ALKBH8: variants seen among roughly 807,000 people sequenced by gnomAD.
The protein encoded by ALKBH8 is tRNA (carboxymethyluridine(34)-5-O)-methyltransferase ALKBH8.
ALKBH8 carries 36 observed loss-of-function variants against 59.8 expected under a neutral mutation model. The ratio of observed to expected loss-of-function variants is 0.60; its 90% CI spans 0.46 to 0.79. ALKBH8 has a LOEUF of 0.79. Among genes scored for constraint, ALKBH8 ranks in the 30% least tolerant of loss-of-function variants. ALKBH8 has a pLI of 0.00. For missense variants in ALKBH8, 768 were observed against 801.0 expected, an observed-to-expected ratio of 0.96 and a Z score of 0.50; for synonymous variants, 276 against 273.6, an observed-to-expected ratio of 1.01 and a Z score of -0.09.
chr11:107,543,003 C>A (rs1020298208), intron 7 of ALKBH8, among the ~76,000 whole-genome samples: 1 of 152,090 alleles, frequency 6.6e-6, no homozygotes, highest in Admixed American at 6.6e-5. Context: ...AGATTTTGTT[C>A]CGTATGGGAG....
At chr11:107,549,046 T>C (rs932435405) in intron 7 of ALKBH8, among the ~76,000 whole-genome samples, 14 of 151,926 alleles carry the variant, frequency 9.2e-5, no homozygotes, top group African/African-American at 3.1e-4. Context: ...AGAGACGGGG[T>C]TTCACCGTGT....
At chr11:107,540,095 G>A (rs1863976804) in intron 7 of ALKBH8, among the ~76,000 whole-genome samples, 1 of 152,030 alleles carries the variant, frequency 6.6e-6, no homozygotes, top group Admixed American at 6.5e-5. Flanking sequence ...ATGAGAGGCA[G>A]AACATCGTTT....
intron 7 of ALKBH8, among the ~76,000 whole-genome samples, chr11:107,537,804 C>T (rs759266736): frequency 6.6e-6 from 1 of 151,514 alleles, no homozygotes; most frequent in Admixed American, 6.6e-5. Flanking sequence ...AATATGAAGA[C>T]AAATGGTAAA....
At chr11:107,564,624 C>G (rs902029514) in intron 1 of ALKBH8, among the ~76,000 whole-genome samples, 18 of 152,162 alleles carry the variant, frequency 1.2e-4, no homozygotes, top group African/African-American at 4.3e-4. Context: ...GCTATTTAAA[C>G]TGCATCATCT....
At chr11:107,553,521 T>C (rs748903364) in intron 4 of ALKBH8, among the ~76,000 whole-genome samples, 8 of 152,134 alleles carry the variant, frequency 5.3e-5, no homozygotes, top group Non-Finnish European at 1.0e-4. Flanking sequence ...GCTCTCACTA[T>C]ATTATAATAT....
chr11:107,519,014 A>C (rs932524783), intron 10 of ALKBH8, among the ~76,000 whole-genome samples: 6 of 152,196 alleles, frequency 3.9e-5, no homozygotes, highest in African/African-American at 1.4e-4. Flanking sequence ...TATGTTGCCC[A>C]GGCTGGTCTT....
At chr11:107,525,747 A>C (rs11212275) in intron 8 of ALKBH8, among the ~76,000 whole-genome samples, 155 bp from the exon 9 acceptor site, 38,029 of 151,882 alleles carry the variant, frequency 0.25, 5,513 homozygotes, top group East Asian at 0.47. Flanking sequence ...AAAAACAAAG[A>C]AATAAAGGTA....
At chr11:107,520,532 A>G (rs190434937) in intron 10 of ALKBH8, among the ~76,000 whole-genome samples, 225 of 152,342 alleles carry the variant, frequency 1.5e-3, no homozygotes, top group African/African-American at 4.2e-3. Context: ...TCAACAAGAA[A>G]GTGCAAAAGC....
intron 10 of ALKBH8, among the ~76,000 whole-genome samples, chr11:107,514,834 A>G (rs1862792590): frequency 1.3e-5 from 2 of 152,112 alleles, no homozygotes; most frequent in Admixed American, 6.5e-5. Flanking sequence ...TAAAAAAAAA[A>G]CCTCAGGGAT....
intron 7 of ALKBH8, among the ~76,000 whole-genome samples, chr11:107,546,438 G>T (rs1341646587): frequency 6.6e-6 from 1 of 152,130 alleles, no homozygotes; most frequent in African/African-American, 2.4e-5. Context: ...AAGCCTAGTA[G>T]ACTTCACAGG....
chr11:107,554,114 C>T, intron 3 of ALKBH8, 136 bp from the exon 4 acceptor site: 2 of 1,049,828 alleles, frequency 1.9e-6, no homozygotes, highest in Admixed American at 5.6e-5. Context: ...TGAAAGGCAC[C>T]CAACATATTA....
In ALKBH8 at chr11:107,551,861, T is replaced by C; in HGVS notation, c.647A>G (p.Tyr216Cys). Residue 216 changes from tyrosine to cysteine, a missense_variant, in exon 6 of 12, where the codon TAC becomes TGC. Coordinates refer to ENST00000428149, the MANE Select transcript of ALKBH8 (RefSeq NM_138775.3). Reference sequence around the variant, plus strand: ...CATTTGATCAGGTTTATGTTTAATGTAACCTTTCCTCAACCATTTCTCCAA... The same window carrying C: ...CATTTGATCAGGTTTATGTTTAATGCAACCTTTCCTCAACCATTTCTCCAA... Reference protein sequence around the residue: ...SFLEKWLRKGYIKHKPDQMTI... With the variant: ...SFLEKWLRKGCIKHKPDQMTI... 6.4e-7 allele frequency: 1 copy of C among 1,559,530 alleles called. No homozygotes were observed. Among genetic ancestry groups the C allele is most frequent in the Non-Finnish European group, 8.6e-7 (1 of 1,158,426 alleles).
chr11:107,522,193 A>C (rs1863140012), intron 10 of ALKBH8, 106 bp downstream of exon 10: 3 of 1,325,506 alleles, frequency 2.3e-6, no homozygotes, highest in Non-Finnish European at 3.0e-6. Context: ...GTTGGTTATA[A>C]CTTTCTGGCA....
chr11:107,516,281 G>A (rs555439204), intron 10 of ALKBH8, among the ~76,000 whole-genome samples: 5 of 152,074 alleles, frequency 3.3e-5, no homozygotes, highest in South Asian at 4.2e-4. Context: ...TGTTCATTAC[G>A]GTGTTATTTA....
chr11:107,523,660 T>C (rs1460321461), intron 9 of ALKBH8, among the ~76,000 whole-genome samples: 1 of 147,690 alleles, frequency 6.8e-6, no homozygotes, highest in South Asian at 2.2e-4. Context: ...TAGAGTGCAG[T>C]GGCATGATAT....
At position 107,525,490 on chromosome 11, in the gene ALKBH8, TA is replaced by T; in HGVS notation, c.980del (p.Leu327HisfsTer10). 6.5e-7 allele frequency: 1 copy of T among 1,545,004 alleles called. No individual in the cohort carries two copies. Among genetic ancestry groups the T allele is most frequent in the East Asian group, 2.5e-5 (1 of 40,164 alleles). On this transcript the variant is annotated frameshift_variant, in exon 9 of 12. Coordinates refer to ENST00000428149, the MANE Select transcript of ALKBH8 (RefSeq NM_138775.3). LOFTEE classifies it high-confidence loss of function. ...VGDLTLSKRG[L>X]RTSFTFRKVR... ...CTTTCCTAAATGTAAATGATGTTCG[TA>T]GTCCCCTCTTGCTTAAAGTTAAGTC...
chr11:107,542,356 G>A (rs1864076225), intron 7 of ALKBH8, among the ~76,000 whole-genome samples: 1 of 152,096 alleles, frequency 6.6e-6, no homozygotes, highest in Non-Finnish European at 1.5e-5. Context: ...AATGTAACAA[G>A]AGCAATAACA....
Position 107,531,812 on chromosome 11 carries a change from T to C in ALKBH8, c.878+488A>G, listed in dbSNP as rs1430341380. Among the ~76,000 whole-genome samples the C allele has an allele frequency of 2.6e-5, 4 of 152,268 alleles. No homozygotes were observed. The East Asian group carries it at 7.7e-4, about 29-fold the overall frequency. On this transcript the variant is annotated intron_variant, in intron 8 of 11. Coordinates refer to ENST00000428149, the MANE Select transcript of ALKBH8 (RefSeq NM_138775.3). ...TCATTGTTTTTTTGTCTTACAACCT[T>C]TAAAAATGTAAAAACCATTCTTAGC...
In ALKBH8 at chr11:107,505,213, C is replaced by A; in HGVS notation, c.1440G>T (p.Glu480Asp). 6.6e-7 allele frequency: 1 copy of A among 1,519,116 alleles called. No individual in the cohort carries two copies. The highest frequency in any genetic ancestry group is 1.3e-5 in the South Asian group (1 of 79,388). The allele number at this position is 1,519,116 out of a possible 1,614,324, so 94.1% of individuals were successfully genotyped here. ...IAVIHHFATA[E>D]RRVAALQEIV... is the part of the protein sequence containing the mutation. ...TTTCTTGGAGAGCTGCCACTCTACG[C>A]TCCTAATGAAAAAAAACAAAACACA... Residue 480 changes from glutamate to aspartate, a missense_variant and splice_region_variant, in exon 12 of 12, where the codon GAG becomes GAT. Physicochemically the swap from Glu to Asp is conservative, Grantham distance 45. Transcript: ENST00000428149.
Sources: gnomAD v4.1 joint callset for allele counts (sites outside exome capture counted in the v4.1 genomes callset) on GRCh38, gnomAD v4.1.1 for gene constraint, MANE v1.5 for transcripts, NCBI Gene and HGNC (gene_info 2026-07-23, HGNC 2026-07-21) for gene names.